The following OLA1 variants were observed in gnomAD, a reference collection of about 807,000 sequenced individuals.
OLA1 encodes the protein obg-like ATPase 1.
In OLA1, 14 loss-of-function variants were observed where a neutral mutation model predicts 48.4. The observed-to-expected ratio is 0.29, with a 90% CI of 0.19 to 0.45. The LOEUF is 0.45. Among genes scored for constraint, OLA1 ranks in the 20% least tolerant of loss-of-function variants. The pLI, the probability that OLA1 is intolerant of heterozygous loss-of-function variation, is 1.00. For missense variants in OLA1, 325 were observed against 467.1 expected, an observed-to-expected ratio of 0.70 and a Z score of 2.80; for synonymous variants, 127 against 150.4, an observed-to-expected ratio of 0.84 and a Z score of 1.14.
chr2:174,142,025 T>G, intron 4 of OLA1, 25 bp from the exon 5 acceptor site: 1 of 1,599,828 alleles, frequency 6.3e-7, no homozygotes, highest in South Asian at 1.1e-5. Context: ...AGGGAAGCAA[T>G]TCAATAAACA....
chr2:174,170,905 GCAAA>G (rs1185992235), intron 4 of OLA1, among the ~76,000 whole-genome samples: 2 of 152,046 alleles, frequency 1.3e-5, no homozygotes, highest in East Asian at 1.9e-4. Flanking sequence ...CTGTCTCCAA[GCAAA>G]CAAACAAACA....
chr2:174,248,345 C>T (rs1484572905), intron 1 of OLA1, 107 bp downstream of exon 1: 1 of 153,906 alleles, frequency 6.5e-6, no homozygotes, highest in African/African-American at 2.4e-5. Context: ...GCTGCCCTGG[C>T]CCCATCTTGG....
intron 4 of OLA1, among the ~76,000 whole-genome samples, chr2:174,163,768 ATATATAT>A (rs1687088098): frequency 1.1e-4 from 3 of 28,050 alleles, no homozygotes; most frequent in African/African-American, 4.3e-4. Context: ...ATATATATAT[ATATATAT>A]AAATAAATGT....
At chr2:174,152,548 T>G (rs1213000833) in intron 4 of OLA1, among the ~76,000 whole-genome samples, 1 of 152,310 alleles carries the variant, frequency 6.6e-6, no homozygotes, top group East Asian at 1.9e-4. Context: ...GCTAACAAGA[T>G]TCCACTCAAA....
intron 4 of OLA1, among the ~76,000 whole-genome samples, chr2:174,161,681 TACACACACACACACACAC>T (rs55713860): frequency 2.1e-5 from 3 of 141,112 alleles, no homozygotes; most frequent in Non-Finnish European, 4.6e-5. Flanking sequence ...AAAAAAAAAA[TACACACACACACACACAC>T]ACACACACAC....
At chr2:174,099,181 G>C in intron 7 of OLA1, among the ~76,000 whole-genome samples, 1 of 151,510 alleles carries the variant, frequency 6.6e-6, no homozygotes. Flanking sequence ...TTTTGAGACG[G>C]AGTCTCGCTC....
intron 7 of OLA1, among the ~76,000 whole-genome samples, chr2:174,110,834 G>A (rs975110345): frequency 2.6e-5 from 4 of 152,016 alleles, no homozygotes; most frequent in African/African-American, 4.8e-5. Flanking sequence ...CTCCTGCCTC[G>A]GTCTCCCAAA....
Position 174,241,781 on chromosome 2 carries a change from G to A in OLA1, c.101+4934C>T, listed in dbSNP as rs537664568. On this transcript the variant is annotated intron_variant, in intron 2 of 10. Transcript: ENST00000284719. ...CTCCCGAGTAGCTGGGATTAGAGGC[G>A]TGCGCCACCACACCCAGGTAATTTT... Among the ~76,000 whole-genome samples, 23 of 152,276 alleles carry A rather than the reference G, an allele frequency of 1.5e-4. 1 individual carries two copies. The South Asian group carries it at 3.5e-3, about 23-fold the overall frequency.
rs550306380 is a variant in OLA1 at position 174,222,937 on chromosome 2, A to G, written c.373+96T>C. 1.1e-5 allele frequency: 14 copies of G among 1,289,620 alleles called. No homozygotes were observed. The East Asian group carries it at 3.4e-4, about 31-fold the overall frequency. 79.9% of individuals were successfully genotyped at this position (1,289,620 alleles called of 1,614,324 possible). On this transcript the variant is annotated intron_variant, in intron 4 of 10. Coordinates refer to ENST00000284719, the MANE Select transcript of OLA1 (RefSeq NM_013341.5). ...AAGATTCATCTGGTAAAGCAAAGCA[A>G]TCTTCCATTAGTCATTTCTAATTTT...
chr2:174,076,697 A>C (rs1429024102), intron 10 of OLA1, among the ~76,000 whole-genome samples: 1 of 151,976 alleles, frequency 6.6e-6, no homozygotes, highest in Non-Finnish European at 1.5e-5. Flanking sequence ...AAGAATATAT[A>C]AAGCTTATTT....
At chr2:174,093,607 G>A (rs570486473) in intron 7 of OLA1, among the ~76,000 whole-genome samples, 19 of 152,300 alleles carry the variant, frequency 1.2e-4, no homozygotes, top group African/African-American at 4.6e-4. Context: ...TCGGACGTCT[G>A]AAAATCACTA....
intron 4 of OLA1, among the ~76,000 whole-genome samples, chr2:174,145,003 C>T (rs66521304): frequency 0.1 from 12,083 of 116,690 alleles, 1,559 homozygotes; most frequent in East Asian, 0.7. Context: ...ATATATATTC[C>T]GTGAACTCAG....
At chr2:174,205,366 T>TTAA (rs35636677) in intron 4 of OLA1, among the ~76,000 whole-genome samples, 80,370 of 151,734 alleles carry the variant, frequency 0.53, 21,824 homozygotes, top group East Asian at 0.94. Flanking sequence ...CTAATACTTT[T>TTAA]AAATATACTT....
chr2:174,143,370 A>G (rs1272774276), intron 4 of OLA1, among the ~76,000 whole-genome samples: 1 of 152,208 alleles, frequency 6.6e-6, no homozygotes, highest in Non-Finnish European at 1.5e-5. Flanking sequence ...AAATCTCCCT[A>G]AAAGCACAAT....
intron 7 of OLA1, among the ~76,000 whole-genome samples, chr2:174,117,785 G>A (rs1685818243): frequency 6.6e-6 from 1 of 151,956 alleles, no homozygotes; most frequent in African/African-American, 2.4e-5. Context: ...AAACTATCTT[G>A]AACCTCCATT....
rs55713860 is a variant in OLA1 at position 174,161,681 on chromosome 2, T to TACACAC, written c.374-19687_374-19682dup. Among the ~76,000 whole-genome samples the TACACAC allele has an allele frequency of 1.9e-4, 27 of 141,172 alleles. No homozygotes were observed. The South Asian group carries it at 2.9e-3, about 15-fold the overall frequency. The allele number at this position is 141,172 out of a possible 152,430, so 92.6% of individuals were successfully genotyped here. A position where few individuals can be genotyped will look rare whatever the true frequency, so the allele number is the denominator to read the frequency against. On this transcript the variant is annotated intron_variant, in intron 4 of 10. Transcript: ENST00000284719. ...CTTTGTCTCTTTAAAAAAAAAAAAA[T>TACACAC]ACACACACACACACACACACACACA...
intron 4 of OLA1, among the ~76,000 whole-genome samples, chr2:174,164,388 T>TCTGCA (rs1336618491): frequency 4.1e-4 from 62 of 149,418 alleles, no homozygotes; most frequent in African/African-American, 1.2e-3. Context: ...CCATTCTGTT[T>TCTGCA]TATGTTTGGT....
chr2:174,115,715 T>C (rs1013213990), intron 7 of OLA1, among the ~76,000 whole-genome samples: 16 of 152,320 alleles, frequency 1.1e-4, no homozygotes, highest in Admixed American at 2.0e-4. Flanking sequence ...GCCTTTGTAC[T>C]TGCAGTTTCC....
At chr2:174,243,017 T>G (rs1689041736) in intron 2 of OLA1, among the ~76,000 whole-genome samples, 1 of 148,238 alleles carries the variant, frequency 6.7e-6, no homozygotes, top group Non-Finnish European at 1.5e-5. Flanking sequence ...GTTTTTGTTG[T>G]TTTTTTTTTC....
Sources: gnomAD v4.1 joint callset for allele counts (sites outside exome capture counted in the v4.1 genomes callset) on GRCh38, gnomAD v4.1.1 for gene constraint, MANE v1.5 for transcripts, NCBI Gene and HGNC (gene_info 2026-07-23, HGNC 2026-07-21) for gene names.